PIEZO2: variants seen among roughly 807,000 people sequenced by gnomAD.
The protein encoded by PIEZO2 is piezo-type mechanosensitive ion channel component 2.
PIEZO2 carries 172 observed loss-of-function variants against 337.3 expected under a neutral mutation model. The observed-to-expected ratio is 0.51, with a 90% CI of 0.45 to 0.58. The LOEUF (loss-of-function observed/expected upper bound fraction) is 0.58, where lower values mean the gene tolerates loss of function less well. PIEZO2 is among the 20% of genes least tolerant of loss of function. PIEZO2 has a pLI of 0.00. For synonymous variants in PIEZO2, 1,251 were observed against 1,228.5 expected, an observed-to-expected ratio of 1.02 and a Z score of -0.38; for missense variants, 3,028 against 3,391.3, an observed-to-expected ratio of 0.89 and a Z score of 2.66.
Position 11,116,147 on chromosome 18 carries a change from T to A in PIEZO2, c.64+32378A>T, listed in dbSNP as rs9963546. 8.3e-3 allele frequency among the ~76,000 whole-genome samples: 1,271 copies of A among 152,290 alleles called. 14 individuals carry two copies. The highest frequency in any genetic ancestry group is 0.026 in the African/African-American group (1,098 of 41,566). On this transcript the variant is annotated intron_variant, in intron 1 of 55. Coordinates refer to ENST00000674853, the MANE Select transcript of PIEZO2 (RefSeq NM_001378183.1). This position sits in a 1 kb window ranked among gnomAD's most constrained non-coding sequence, Gnocchi z 5.0. ...CTATAATTGCTATTTCCCAACATTCTTCATAAAAGATTTTAGGACAATTAT... is the reference window on the plus strand; with the variant it reads ...CTATAATTGCTATTTCCCAACATTCATCATAAAAGATTTTAGGACAATTAT...
chr18:10,775,567 T>C lies in PIEZO2; in HGVS notation c.2535-1529A>G, dbSNP rs755437580. ...AACTACTTTCTAACAATTACTGCTA[T>C]TAACAGAGTGAAACTCAAAGAGGGG... On this transcript the variant is annotated intron_variant, in intron 18 of 55. Transcript: ENST00000674853. This position sits in a 1 kb window ranked among gnomAD's most constrained non-coding sequence, Gnocchi z 4.3. Among the ~76,000 whole-genome samples the C allele has an allele frequency of 5.3e-5, 8 of 152,214 alleles. No homozygotes were observed. Among genetic ancestry groups the C allele is most frequent in the Non-Finnish European group, 1.0e-4 (7 of 68,036 alleles).
intron 2 of PIEZO2, among the ~76,000 whole-genome samples, chr18:11,022,397 C>A (rs895666812): frequency 2.6e-5 from 4 of 152,210 alleles, no homozygotes; most frequent in Non-Finnish European, 4.4e-5. Context: ...CTGCTGGGGG[C>A]ATGGTAGCAA....
At chr18:10,789,925 T>C (rs1177815362) in intron 14 of PIEZO2, among the ~76,000 whole-genome samples, 1 of 152,216 alleles carries the variant, frequency 6.6e-6, no homozygotes, top group Non-Finnish European at 1.5e-5. Context: ...TTTGTGTTGC[T>C]TTAAAATACA....
rs539982984 is a variant in PIEZO2, at chr18:10,695,962, C to G, written c.7190+112G>C. The G allele has an allele frequency of 3.9e-4, 419 of 1,071,320 alleles. 6 individuals carry two copies. In the East Asian group the frequency reaches 9.9e-3, roughly 25 times the overall value. The allele number at this position is 1,071,320 out of a possible 1,614,324, so 66.4% of individuals were successfully genotyped here. A position where few individuals can be genotyped will look rare whatever the true frequency, so the allele number is the denominator to read the frequency against. ...TCTTCCTACCCGTGGTGCTGCTGTG[C>G]CAAGGCTCTGCCTGTGGCCAGCAGT... On this transcript the variant is annotated intron_variant, in intron 47 of 55. Coordinates refer to ENST00000674853, the MANE Select transcript of PIEZO2 (RefSeq NM_001378183.1).
chr18:10,717,614 C>G (rs918168041), intron 37 of PIEZO2, among the ~76,000 whole-genome samples: 2 of 152,098 alleles, frequency 1.3e-5, no homozygotes, highest in East Asian at 1.9e-4. Flanking sequence ...CATAAAGATA[C>G]CTTCCTCCAA....
At chr18:10,721,567 A>T (rs1382542638) in intron 36 of PIEZO2, among the ~76,000 whole-genome samples, 1 of 151,304 alleles carries the variant, frequency 6.6e-6, no homozygotes, top group African/African-American at 2.5e-5. Flanking sequence ...TGAGAACAGC[A>T]AACACAATTC....
At chr18:10,741,996 A>G (rs2037239097) in intron 32 of PIEZO2, among the ~76,000 whole-genome samples, 1 of 138,720 alleles carries the variant, frequency 7.2e-6, no homozygotes, top group Non-Finnish European at 1.6e-5. Flanking sequence ...TACTAAAAAT[A>G]CAAAAAAAAT....
At chr18:10,769,970 TC>T in intron 21 of PIEZO2, 177 bp downstream of exon 21, 6 of 601,300 alleles carry the variant, frequency 1.0e-5, no homozygotes, top group Non-Finnish European at 1.3e-5. Flanking sequence ...CGAGCCTCTT[TC>T]CTTTTTCTCA....
intron 3 of PIEZO2, among the ~76,000 whole-genome samples, chr18:10,928,902 T>C (rs569208310): frequency 1.3e-5 from 2 of 152,166 alleles, no homozygotes; most frequent in Admixed American, 6.6e-5. Context: ...ACTCACGGTG[T>C]CCAAAGTCAA....
rs1470401779 is a variant in PIEZO2 at position 10,704,541 on chromosome 18, C to A, written c.6111G>T (p.Met2037Ile). 6.5e-7 allele frequency: 1 copy of A among 1,537,240 alleles called. No individual in the cohort carries two copies. The highest frequency in any genetic ancestry group is 1.2e-5 in the South Asian group (1 of 84,058). The change falls in exon 42 of 56, where the codon ATG becomes ATT. Residue 2037 changes from methionine to isoleucine, a missense_variant. Physicochemically the swap from Met to Ile is conservative, Grantham distance 10. Around this residue, in one of 5 missense-constraint regions of PIEZO2, gnomAD observed 1,925 missense variants for 2,051.9 expected, o/e 0.94. Coordinates refer to ENST00000674853, the MANE Select transcript of PIEZO2 (RefSeq NM_001378183.1). ...TGAGGATGATCACGAAGTAGCACACCATCTCCGAGCGGGCCACCAGGGTAT... is the reference window on the plus strand; with the variant it reads ...TGAGGATGATCACGAAGTAGCACACAATCTCCGAGCGGGCCACCAGGGTAT... Reference protein sequence around the residue: ...MYNTLVARSEMVCYFVIILNH... With the variant: ...MYNTLVARSEIVCYFVIILNH...
At chr18:11,044,170 TATAC>T (rs1030784628) in intron 2 of PIEZO2, among the ~76,000 whole-genome samples, 3 of 149,548 alleles carry the variant, frequency 2.0e-5, no homozygotes, top group African/African-American at 7.3e-5. Flanking sequence ...TATATATATA[TATAC>T]ACACACACAC....
At chr18:11,113,427 A>G (rs1042234580) in intron 1 of PIEZO2, among the ~76,000 whole-genome samples, 1 of 152,196 alleles carries the variant, frequency 6.6e-6, no homozygotes, top group Non-Finnish European at 1.5e-5. Flanking sequence ...AAATAACAGG[A>G]CAGCCCTCCT....
intron 3 of PIEZO2, among the ~76,000 whole-genome samples, chr18:10,913,123 A>G (rs1228632001): frequency 6.6e-6 from 1 of 152,168 alleles, no homozygotes. Context: ...AAATATTGTT[A>G]TTTTTAATTG....
intron 2 of PIEZO2, 23 bp downstream of exon 2, chr18:11,066,104 A>G (rs1354704629): frequency 6.7e-7 from 1 of 1,495,912 alleles, no homozygotes; most frequent in Admixed American, 2.0e-5. Context: ...ACTCTGTGGT[A>G]TACGATAACA....
chr18:10,825,550 C>CTTTT (rs57159292), intron 7 of PIEZO2, among the ~76,000 whole-genome samples: 107 of 113,790 alleles, frequency 9.4e-4, no homozygotes, highest in African/African-American at 3.5e-3. Context: ...TCCTTTCTTC[C>CTTTT]TTTTTTTTTT....
intron 2 of PIEZO2, among the ~76,000 whole-genome samples, chr18:11,058,055 A>G (rs997150074): frequency 1.3e-5 from 2 of 152,196 alleles, no homozygotes; most frequent in African/African-American, 4.8e-5. Flanking sequence ...CTGGAATTTT[A>G]TGTTAAAGAC....
At chr18:11,051,527 A>G (rs924741088) in intron 2 of PIEZO2, among the ~76,000 whole-genome samples, 5 of 152,162 alleles carry the variant, frequency 3.3e-5, no homozygotes, top group African/African-American at 4.8e-5. Context: ...CTAGCCCCCA[A>G]TAAATAACTG....
At position 11,105,452 on chromosome 18, in the gene PIEZO2, G is replaced by A. The variant is rs1054882124; in HGVS notation, c.65-39230C>T. Among the ~76,000 whole-genome samples, 2 of 152,050 alleles carry A rather than the reference G, an allele frequency of 1.3e-5. No homozygotes were observed. The highest frequency in any genetic ancestry group is 1.3e-4 in the Admixed American group (2 of 15,250). On this transcript the variant is annotated intron_variant, in intron 1 of 55. Transcript: ENST00000674853. The surrounding 1 kb of genome is among the most constrained non-coding windows in gnomAD (Gnocchi z 4.3). ...CAGCACCTCACATCTTCATCCTCAC[G>A]ACACACTTCCACACTTCAAACTACC...
In PIEZO2 at chr18:10,766,973, C is replaced by T. The variant is rs898553812; in HGVS notation, c.2946+3175G>A. Among the ~76,000 whole-genome samples, 1 of 151,616 alleles carries T rather than the reference C, an allele frequency of 6.6e-6. No homozygotes were observed. Among genetic ancestry groups the T allele is most frequent in the Admixed American group, 6.6e-5 (1 of 15,262 alleles). On this transcript the variant is annotated intron_variant, in intron 21 of 55. Coordinates refer to ENST00000674853, the MANE Select transcript of PIEZO2 (RefSeq NM_001378183.1). The surrounding 1 kb of genome is among the most constrained non-coding windows in gnomAD (Gnocchi z 6.1). ...CTGCAAAAGTTTCCTTCCTTCCTTC[C>T]TCCCACCTTCCATTCCCTCCCCTCC...
Sources: gnomAD v4.1 joint callset for allele counts (sites outside exome capture counted in the v4.1 genomes callset) on GRCh38, gnomAD v4.1.1 for gene constraint, gnomAD v4.1.1 regional missense constraint, Gnocchi (gnomAD v3.1) non-coding constraint, MANE v1.5 for transcripts, NCBI Gene and HGNC (gene_info 2026-07-23, HGNC 2026-07-21) for gene names.